EVC2: variants seen among roughly 807,000 people sequenced by gnomAD.
EVC2 encodes EvC ciliary complex subunit 2.
In EVC2, 148 loss-of-function variants were observed where a neutral mutation model predicts 149.3. That is an observed-to-expected ratio of 0.99 (90% CI 0.87 to 1.14). EVC2 has a LOEUF of 1.14. Among genes scored for constraint, EVC2 ranks in the 50% most tolerant of loss-of-function variants. The probability of loss-of-function intolerance (pLI) is 0.00; values close to 1 mark genes in which losing one functional copy is unlikely to be tolerated. For missense variants in EVC2, 1,854 were observed against 1,627.3 expected (o/e 1.14, Z -2.40); for synonymous variants, 776 against 649.9 (o/e 1.19, Z -2.95).
chr4:5,537,298 C>T, the EVC2 span, among the ~76,000 whole-genome samples: 2 of 152,170 alleles, frequency 1.3e-5, no homozygotes, highest in Non-Finnish European at 1.5e-5. Context: ...AGGGGGCTAT[C>T]CTCAACTATT....
At chr4:5,570,096 G>T (rs1722557232) in intron 19 of EVC2, among the ~76,000 whole-genome samples, 1 of 151,990 alleles carries the variant, frequency 6.6e-6, no homozygotes, top group Non-Finnish European at 1.5e-5. Flanking sequence ...ATCTCACATT[G>T]GTTTTAACCA....
In EVC2 at chr4:5,625,607, C is replaced by T; in HGVS notation, c.2046+142G>A. ...ATTCCAAAAAGTCGCTACCAATCAA[C>T]AGTAGATGGCACATCATGGTGCCTG... On this transcript the variant is annotated intron_variant, in intron 13 of 21. Coordinates refer to ENST00000344408, the MANE Select transcript of EVC2 (RefSeq NM_147127.5). The surrounding 1 kb of genome is among the most constrained non-coding windows in gnomAD (Gnocchi z 4.0). The T allele has an allele frequency of 1.9e-6, 2 of 1,071,256 alleles. No individual in the cohort carries two copies. Among genetic ancestry groups the T allele is most frequent in the Non-Finnish European group, 1.4e-6 (1 of 733,952 alleles). The allele number at this position is 1,071,256 out of a possible 1,614,324, so 66.4% of individuals were successfully genotyped here.
At chr4:5,594,951 T>A (rs1713237201) in intron 16 of EVC2, among the ~76,000 whole-genome samples, 1 of 152,092 alleles carries the variant, frequency 6.6e-6, no homozygotes, top group Non-Finnish European at 1.5e-5. Context: ...TGCGATCAAC[T>A]GGAAGAAAGG....
intron 16 of EVC2, among the ~76,000 whole-genome samples, chr4:5,612,005 C>T (rs1714860008): frequency 3.3e-5 from 5 of 152,214 alleles, no homozygotes; most frequent in Admixed American, 3.3e-4. Flanking sequence ...TACAGATTAA[C>T]TTCCCTCTTC....
intron 13 of EVC2, among the ~76,000 whole-genome samples, chr4:5,624,452 T>C (rs1260368404): frequency 1.3e-5 from 2 of 152,190 alleles, no homozygotes; most frequent in Admixed American, 6.5e-5. Context: ...TACAAATATG[T>C]ATTGAGCACC....
chr4:5,652,669 C>T (rs976140384), intron 9 of EVC2, among the ~76,000 whole-genome samples: 1 of 152,122 alleles, frequency 6.6e-6, no homozygotes, highest in South Asian at 2.1e-4. Flanking sequence ...GGAGGGTCTG[C>T]AGCCTTAGAT....
At chr4:5,606,928 G>C (rs1435453578) in intron 16 of EVC2, among the ~76,000 whole-genome samples, 1 of 152,192 alleles carries the variant, frequency 6.6e-6, no homozygotes, top group Non-Finnish European at 1.5e-5. Context: ...CACACAGCTA[G>C]AACATGGCAG....
At position 5,628,748 on chromosome 4, in the gene EVC2, A is replaced by G. The variant is rs749583752; in HGVS notation, c.1711-14T>C. 11 of 1,611,178 alleles carry G rather than the reference A, an allele frequency of 6.8e-6. No homozygotes were observed. The South Asian group carries it at 1.1e-4, about 16-fold the overall frequency. ...TTCTACATTCTCCTGTCAATTAAAA[A>G]AAAAAACAAGAAAATATGCCTAATT... On this transcript the variant is annotated splice_polypyrimidine_tract_variant and intron_variant, in intron 11 of 21. Coordinates refer to ENST00000344408, the MANE Select transcript of EVC2 (RefSeq NM_147127.5).
downstream of EVC2, chr4:5,562,374 CG>C: frequency 4.5e-6 from 4 of 894,934 alleles, no homozygotes; most frequent in Non-Finnish European, 5.5e-6. The surrounding 1 kb of genome is among the most constrained non-coding windows in gnomAD (Gnocchi z 4.3). Flanking sequence ...GGGAACAAAA[CG>C]TAAGACGTAA....
In EVC2 at chr4:5,685,372, G is replaced by C; in HGVS notation, c.814C>G (p.Arg272Gly). ...PAQLTFQSSS[R>G]NRTQLKVLFS... ...GATTAAAGTAACAAAGGTCATACCCGTGACGAGCTCTGAAAGGTGAGTTGG... is the reference window on the plus strand; with the variant it reads ...GATTAAAGTAACAAAGGTCATACCCCTGACGAGCTCTGAAAGGTGAGTTGG... The change falls in exon 6 of 22, where the codon CGG (arginine) becomes GGG (glycine). Residue 272 changes from arginine to glycine, a missense_variant and splice_region_variant. Coordinates refer to ENST00000344408, the MANE Select transcript of EVC2 (RefSeq NM_147127.5). The C allele has an allele frequency of 6.2e-7, 1 of 1,614,080 alleles. No homozygotes were observed. Among genetic ancestry groups the C allele is most frequent in the Non-Finnish European group, 8.5e-7 (1 of 1,179,910 alleles).
chr4:5,681,084 G>A lies in EVC2; in HGVS notation c.870+176C>T, dbSNP rs10937658. 0.22 allele frequency among the ~76,000 whole-genome samples: 33,431 copies of A among 152,128 alleles called. 4,135 individuals are homozygous for A. The highest frequency in any genetic ancestry group is 0.31 in the East Asian group (1,578 of 5,134). On this transcript the variant is annotated intron_variant, in intron 7 of 21. Transcript: ENST00000344408. ...GGTGGAGGGTCATCCAGGGAAACCA[G>A]TCAGATAGCCTCAGGGCACACGGGG...
chr4:5,707,451 T>C (rs540844367), intron 1 of EVC2, among the ~76,000 whole-genome samples: 7 of 152,106 alleles, frequency 4.6e-5, no homozygotes, highest in East Asian at 3.9e-4. Context: ...GTCCTGGGAA[T>C]AGGAGCCTGG....
chr4:5,666,916 G>A (rs1353062848), intron 7 of EVC2, among the ~76,000 whole-genome samples: 1 of 152,116 alleles, frequency 6.6e-6, no homozygotes, highest in Non-Finnish European at 1.5e-5. Context: ...TAGTATGGCT[G>A]GCTACATAAT....
Position 5,569,176 on chromosome 4 carries a change from T to C in EVC2, c.3361-536A>G, listed in dbSNP as rs1361941950. Among the ~76,000 whole-genome samples, 2 of 152,292 alleles carry C rather than the reference T, an allele frequency of 1.3e-5. No homozygotes were observed. Among genetic ancestry groups the C allele is most frequent in the South Asian group, 2.1e-4 (1 of 4,820 alleles). ...GTCACGTGCTGCGTGATTCCATGCA[T>C]GTAACCACCTGGGCGTGATGAGACT... On this transcript the variant is annotated intron_variant, in intron 19 of 21. Transcript: ENST00000344408. This position sits in a 1 kb window ranked among gnomAD's most constrained non-coding sequence, Gnocchi z 4.8.
intron 21 of EVC2, among the ~76,000 whole-genome samples, chr4:5,544,542 C>A (rs1376864735): frequency 6.6e-6 from 1 of 152,128 alleles, no homozygotes; most frequent in Non-Finnish European, 1.5e-5. Context: ...AGAGTGACTC[C>A]GTGGGAAGCC....
intron 21 of EVC2, among the ~76,000 whole-genome samples, chr4:5,548,241 G>C (rs182622083): frequency 6.6e-6 from 1 of 152,026 alleles, no homozygotes; most frequent in East Asian, 1.9e-4. Flanking sequence ...GCAAAACTTG[G>C]GCAAAGGTGC....
At chr4:5,530,388 C>T in the EVC2 span, among the ~76,000 whole-genome samples, 1 of 152,132 alleles carries the variant, frequency 6.6e-6, no homozygotes, top group South Asian at 2.1e-4. Context: ...TAATGCTTAC[C>T]CCTTATCTCT....
In EVC2 at chr4:5,576,761, A is replaced by G. The variant is rs1325820207; in HGVS notation, c.3058-307T>C. On this transcript the variant is annotated intron_variant, in intron 17 of 21. Transcript: ENST00000344408. The surrounding 1 kb of genome is among the most constrained non-coding windows in gnomAD (Gnocchi z 4.5). ...CTCCTTGGTGAAGGGCTCCTCAGCG[A>G]AAGGATCCCTGAGTTCCTTGGGAGA... Among the ~76,000 whole-genome samples, 1 of 152,202 alleles carries G rather than the reference A, an allele frequency of 6.6e-6. No homozygotes were observed. The highest frequency in any genetic ancestry group is 2.4e-5 in the African/African-American group (1 of 41,454).
At chr4:5,543,283 C>T in intron 21 of EVC2, 2 of 1,054,964 alleles carry the variant, frequency 1.9e-6, no homozygotes, top group Non-Finnish European at 1.3e-6. Flanking sequence ...CATCACCATC[C>T]ACCCCAAGCC....
Sources: allele counts gnomAD v4.1 joint callset (sites outside exome capture counted in the v4.1 genomes callset), GRCh38; gene constraint gnomAD v4.1.1; non-coding constraint Gnocchi (gnomAD v3.1); transcripts MANE v1.5; gene names NCBI Gene and HGNC (gene_info 2026-07-23, HGNC 2026-07-21).